The following AKAP6 variants were observed in gnomAD, a reference collection of about 807,000 sequenced individuals.
The protein encoded by AKAP6 is A-kinase anchoring protein 6.
In AKAP6, 58 loss-of-function variants were observed where a neutral mutation model predicts 188.5. That is an observed-to-expected ratio of 0.31 (90% CI 0.25 to 0.38). The LOEUF (loss-of-function observed/expected upper bound fraction) is 0.38. Ranked by LOEUF, AKAP6 falls within the 10% of genes least tolerant of loss-of-function variation. AKAP6 has a pLI of 1.00. For missense variants in AKAP6, 2,710 were observed against 2,740.0 expected (o/e 0.99, Z 0.24); for synonymous variants, 989 against 998.6 (o/e 0.99, Z 0.18).
At chr14:32,478,075 T>G (rs1466509366) in intron 2 of AKAP6, among the ~76,000 whole-genome samples, 1 of 152,216 alleles carries the variant, frequency 6.6e-6, no homozygotes, top group Non-Finnish European at 1.5e-5. Flanking sequence ...TTCACATAGC[T>G]TGACAGACAT....
chr14:32,454,942 T>C (rs1891106701), intron 2 of AKAP6, among the ~76,000 whole-genome samples: 1 of 137,236 alleles, frequency 7.3e-6, no homozygotes, highest in African/African-American at 2.9e-5. Flanking sequence ...CTTTCTCTCT[T>C]CCTCTCTTCC....
At chr14:32,678,970 T>C (rs901785338) in intron 8 of AKAP6, among the ~76,000 whole-genome samples, 1 of 152,194 alleles carries the variant, frequency 6.6e-6, no homozygotes, top group Non-Finnish European at 1.5e-5. Context: ...GCATTATCTA[T>C]GGTATGTGAA....
chr14:32,551,865 A>G (rs1772073383), intron 4 of AKAP6, among the ~76,000 whole-genome samples: 1 of 150,906 alleles, frequency 6.6e-6, no homozygotes, highest in African/African-American at 2.4e-5. Context: ...ATGGGGTTTC[A>G]CCGTGAGAGC....
chr14:32,448,183 C>T (rs1890820367), intron 2 of AKAP6, among the ~76,000 whole-genome samples: 1 of 152,170 alleles, frequency 6.6e-6, no homozygotes, highest in Non-Finnish European at 1.5e-5. Flanking sequence ...TATAACGTGG[C>T]AATGCCTCCC....
At chr14:32,469,136 C>A (rs1461008503) in intron 2 of AKAP6, among the ~76,000 whole-genome samples, 1 of 152,104 alleles carries the variant, frequency 6.6e-6, no homozygotes, top group Non-Finnish European at 1.5e-5. Context: ...GTTTTCCTGT[C>A]CTGCCACTAG....
At chr14:32,527,679 A>G (rs1469271733) in intron 2 of AKAP6, among the ~76,000 whole-genome samples, 1 of 152,194 alleles carries the variant, frequency 6.6e-6, no homozygotes, top group Non-Finnish European at 1.5e-5. Flanking sequence ...TCATTGTTTT[A>G]ATTTGCATTT....
chr14:32,446,485 A>T (rs1268849075), intron 2 of AKAP6, among the ~76,000 whole-genome samples: 1 of 152,128 alleles, frequency 6.6e-6, no homozygotes, highest in Non-Finnish European at 1.5e-5. Flanking sequence ...TAGTAGTTAT[A>T]AACCTGAGAT....
chr14:32,639,295 C>T (rs1005391448), intron 7 of AKAP6, among the ~76,000 whole-genome samples: 2 of 152,038 alleles, frequency 1.3e-5, no homozygotes, highest in African/African-American at 4.8e-5. Context: ...GATATTTGTT[C>T]TCAGAGAATA....
chr14:32,798,640 A>T (rs192602267), intron 12 of AKAP6, among the ~76,000 whole-genome samples: 3 of 152,284 alleles, frequency 2.0e-5, no homozygotes, highest in Admixed American at 2.0e-4. Context: ...CACATACCAC[A>T]ATGTTCTTAC....
intron 7 of AKAP6, among the ~76,000 whole-genome samples, chr14:32,633,851 G>T (rs1887378963): frequency 6.6e-6 from 1 of 152,154 alleles, no homozygotes; most frequent in African/African-American, 2.4e-5. Context: ...AAACCAGGCT[G>T]CACTTCTTCA....
At chr14:32,807,863 C>T (rs1218275713) in intron 12 of AKAP6, among the ~76,000 whole-genome samples, 2 of 152,198 alleles carry the variant, frequency 1.3e-5, no homozygotes, top group African/African-American at 4.8e-5. Context: ...TTTAGTGATA[C>T]ATAACTAGAT....
intron 12 of AKAP6, among the ~76,000 whole-genome samples, chr14:32,775,004 T>C (rs2033010910): frequency 6.6e-6 from 1 of 152,204 alleles, no homozygotes; most frequent in African/African-American, 2.4e-5. Context: ...TCTGTAGATA[T>C]ATTGAGTCTA....
chr14:32,564,691 A>G (rs536015558), intron 4 of AKAP6, among the ~76,000 whole-genome samples: 7 of 152,210 alleles, frequency 4.6e-5, no homozygotes, highest in Admixed American at 4.6e-4. Flanking sequence ...TAACAGTCAG[A>G]AGGCATGAAA....
At chr14:32,739,909 CA>C (rs2031599648) in intron 11 of AKAP6, among the ~76,000 whole-genome samples, 1 of 152,010 alleles carries the variant, frequency 6.6e-6, no homozygotes, top group Non-Finnish European at 1.5e-5. Flanking sequence ...ATTGTTGGAT[CA>C]TATGGTAGCT....
chr14:32,511,272 G>T (rs894015957), intron 2 of AKAP6, among the ~76,000 whole-genome samples: 3 of 151,994 alleles, frequency 2.0e-5, no homozygotes, highest in Admixed American at 2.0e-4. Flanking sequence ...TCACAAAGAT[G>T]CCATGCAATT....
At chr14:32,819,643 G>A in intron 12 of AKAP6, among the ~76,000 whole-genome samples, 1 of 152,088 alleles carries the variant, frequency 6.6e-6, no homozygotes, top group East Asian at 1.9e-4. Flanking sequence ...GAGCGATTCT[G>A]CATGTATTAA....
chr14:32,506,544 T>C (rs952570689), intron 2 of AKAP6, among the ~76,000 whole-genome samples: 1 of 152,098 alleles, frequency 6.6e-6, no homozygotes, highest in African/African-American at 2.4e-5. Context: ...ACAGAACAAA[T>C]AGAACTGTGG....
chr14:32,694,276 G>A (rs776679984), intron 8 of AKAP6, among the ~76,000 whole-genome samples: 4 of 151,784 alleles, frequency 2.6e-5, no homozygotes, highest in Non-Finnish European at 4.4e-5. Flanking sequence ...CAGGAGAATG[G>A]TGTGAACCCG....
Position 32,824,643 on chromosome 14 carries a change from T to G in AKAP6, c.6830T>G (p.Val2277Gly), listed in dbSNP as rs1303717892. The change falls in exon 13 of 14, where the codon GTT (valine) becomes GGT (glycine). Residue 2277 changes from valine (V) to glycine (G), a missense_variant. Val to Gly is a moderately radical substitution (Grantham distance 109). This residue lies in a region of AKAP6 where 2,473 missense variants were observed against 2,426.1 expected (regional missense o/e 1.02). Transcript: ENST00000280979. ...EHNAASAKSK[V>G]QDLSLKANQP... ...AATGCTGCTTCAGCCAAATCTAAAG[T>G]TCAAGACCTCTCCTTGAAGGCAAAT... 6.2e-7 allele frequency: 1 copy of G among 1,613,908 alleles called. No individual in the cohort carries two copies. Among genetic ancestry groups the G allele is most frequent in the East Asian group, 2.2e-5 (1 of 44,880 alleles).
Sources: gnomAD v4.1 joint callset for allele counts (sites outside exome capture counted in the v4.1 genomes callset) on GRCh38, gnomAD v4.1.1 for gene constraint, gnomAD v4.1.1 regional missense constraint, MANE v1.5 for transcripts, NCBI Gene and HGNC (gene_info 2026-07-23, HGNC 2026-07-21) for gene names.